Variants in TUSC3 observed in about 807,000 individuals in gnomAD.
The protein encoded by TUSC3 is dolichyl-diphosphooligosaccharide--protein glycosyltransferase subunit TUSC3.
A neutral mutation model predicts 44.8 loss-of-function variants in TUSC3; 45 were observed. The observed-to-expected ratio is 1.00, with a 90% CI of 0.79 to 1.29. The LOEUF (loss-of-function observed/expected upper bound fraction) is 1.29. Ranked by LOEUF, TUSC3 falls within the 50% of genes most tolerant of loss-of-function variation. TUSC3 has a pLI of 0.00. For missense variants in TUSC3, 519 were observed against 437.9 expected (o/e 1.19, Z -1.65); for synonymous variants, 212 against 152.9 (o/e 1.39, Z -2.85).
At chr8:15,532,822 C>T (rs1392124312) in intron 2 of TUSC3, among the ~76,000 whole-genome samples, 8 of 152,242 alleles carry the variant, frequency 5.3e-5, no homozygotes, top group South Asian at 4.1e-4. Context: ...GAGACAGTTT[C>T]GCTCTTGTTG....
Position 15,739,549 on chromosome 8 carries a change from A to C in TUSC3, c.863-3989A>C, listed in dbSNP as rs539267620. Among the ~76,000 whole-genome samples the C allele has an allele frequency of 6.6e-5, 10 of 152,328 alleles. No individual in the cohort carries two copies. The South Asian group carries it at 2.1e-3, about 32-fold the overall frequency. ...GCATTTGCTCCCAACAAAAATAGTA[A>C]ATTATAAAAATGATTTAAAGCAGCG... is the stretch of plus-strand genomic sequence containing the variant. On this transcript the variant is annotated intron_variant, in intron 7 of 10. Transcript: ENST00000503731.
chr8:15,570,241 G>A (rs1221563940), intron 1 of TUSC3, among the ~76,000 whole-genome samples: 1 of 148,342 alleles, frequency 6.7e-6, no homozygotes, highest in Non-Finnish European at 1.5e-5. Flanking sequence ...CAGTGTTAAA[G>A]CAACCTTGTT....
rs149546874 is a variant in TUSC3 at position 15,728,953 on chromosome 8, A to C, written c.799-1713A>C. ...GTCAGATGAAGCAGATTTTTCAGGT[A>C]GATTAAGGCCAGGAACATTGAGATA... On this transcript the variant is annotated intron_variant, in intron 6 of 10. Coordinates refer to ENST00000503731, the MANE Select transcript of TUSC3 (RefSeq NM_006765.4). 3.2e-4 allele frequency among the ~76,000 whole-genome samples: 48 copies of C among 152,268 alleles called. 1 individual carries two copies. The highest frequency in any genetic ancestry group is 1.1e-3 in the African/African-American group (47 of 41,570).
chr8:15,609,418 G>A (rs1423029386), intron 1 of TUSC3, among the ~76,000 whole-genome samples: 2 of 152,076 alleles, frequency 1.3e-5, no homozygotes, highest in Non-Finnish European at 2.9e-5. Context: ...GTGTACAGCT[G>A]GAAGTAGATT....
chr8:15,770,526 C>G (rs1222780604), downstream of TUSC3, among the ~76,000 whole-genome samples: 2 of 152,062 alleles, frequency 1.3e-5, no homozygotes, highest in African/African-American at 4.8e-5. Flanking sequence ...ATGTTTTGCA[C>G]ATGTATCCCA....
the TUSC3 span, among the ~76,000 whole-genome samples, chr8:15,799,934 G>A: frequency 6.6e-6 from 1 of 152,292 alleles, no homozygotes; most frequent in East Asian, 1.9e-4. Context: ...AAGTCCCACA[G>A]GGCAACACAA....
chr8:15,793,589 G>A, the TUSC3 span, among the ~76,000 whole-genome samples: 2 of 151,984 alleles, frequency 1.3e-5, no homozygotes, highest in African/African-American at 4.8e-5. Context: ...TTATTTTTCT[G>A]TACAGCATTT....
chr8:15,676,663 A>G (rs887714894), intron 6 of TUSC3, among the ~76,000 whole-genome samples: 15 of 152,252 alleles, frequency 9.9e-5, no homozygotes, highest in African/African-American at 3.1e-4. Flanking sequence ...ACTACCGACT[A>G]CTGGCAGTTA....
chr8:15,810,857 G>A, the TUSC3 span, among the ~76,000 whole-genome samples: 5 of 152,014 alleles, frequency 3.3e-5, no homozygotes, highest in African/African-American at 9.7e-5. Context: ...GTAAAGATCC[G>A]CAACATTTAC....
At chr8:15,604,156 G>A (rs992921990) in intron 1 of TUSC3, among the ~76,000 whole-genome samples, 5 of 151,604 alleles carry the variant, frequency 3.3e-5, no homozygotes, top group African/African-American at 9.7e-5. Context: ...TTGAGATAGA[G>A]TATTATGCAA....
intron 1 of TUSC3, among the ~76,000 whole-genome samples, chr8:15,466,805 A>T (rs114593731): frequency 0.01 from 1,585 of 152,214 alleles, 33 homozygotes; most frequent in African/African-American, 0.036. Context: ...CTCCATGGGC[A>T]TGTACATCTC....
At chr8:15,661,298 T>G (rs1300872912) in intron 4 of TUSC3, among the ~76,000 whole-genome samples, 1 of 152,086 alleles carries the variant, frequency 6.6e-6, no homozygotes, top group Non-Finnish European at 1.5e-5. Context: ...AGATTTGGTC[T>G]AGAGTTAGAT....
At chr8:15,806,100 A>T in the TUSC3 span, 5 of 388,344 alleles carry the variant, frequency 1.3e-5, no homozygotes, top group Non-Finnish European at 2.0e-5. Context: ...GCTGAGCTGT[A>T]CTCAGCTTTG....
At chr8:15,585,862 T>C (rs1423916614) in intron 1 of TUSC3, among the ~76,000 whole-genome samples, 1 of 152,192 alleles carries the variant, frequency 6.6e-6, no homozygotes, top group Non-Finnish European at 1.5e-5. Context: ...CCGGGTTTTT[T>C]TGTTTCTCCT....
chr8:15,684,042 A>C (rs1808524089), intron 6 of TUSC3, among the ~76,000 whole-genome samples: 1 of 151,006 alleles, frequency 6.6e-6, no homozygotes, highest in Non-Finnish European at 1.5e-5. Context: ...AGGGCCTGAA[A>C]ATAGGATCTT....
At chr8:15,583,234 C>T (rs1202141369) in intron 1 of TUSC3, among the ~76,000 whole-genome samples, 2 of 152,148 alleles carry the variant, frequency 1.3e-5, no homozygotes, top group East Asian at 1.9e-4. Flanking sequence ...CCATGTAAGA[C>T]ATTAAACATT....
At chr8:15,742,987 G>C (rs1473753289) in intron 7 of TUSC3, among the ~76,000 whole-genome samples, 1 of 152,068 alleles carries the variant, frequency 6.6e-6, no homozygotes, top group Non-Finnish European at 1.5e-5. Context: ...ACTAGCTCAG[G>C]GTCCTGCTAG....
chr8:15,526,616 G>A (rs534847265), intron 2 of TUSC3, among the ~76,000 whole-genome samples: 5 of 152,172 alleles, frequency 3.3e-5, no homozygotes, highest in East Asian at 1.9e-4. Flanking sequence ...CTCGTCTGCC[G>A]CCATGTAAAA....
chr8:15,613,079 ATC>A (rs1491312603), intron 1 of TUSC3, among the ~76,000 whole-genome samples: 1 of 147,890 alleles, frequency 6.8e-6, no homozygotes, highest in African/African-American at 2.5e-5. Context: ...ATATATATAT[ATC>A]ATATATATGT....
Sources: gnomAD v4.1 joint callset for allele counts (sites outside exome capture counted in the v4.1 genomes callset) on GRCh38, gnomAD v4.1.1 for gene constraint, MANE v1.5 for transcripts, NCBI Gene and HGNC (gene_info 2026-07-23, HGNC 2026-07-21) for gene names.